Variants in PCDH11X observed in about 807,000 individuals in gnomAD.
PCDH11X encodes protocadherin 11 X-linked.
In PCDH11X, 18 loss-of-function variants were observed where a neutral mutation model predicts 53.3. The observed-to-expected ratio is 0.34, with a 90% CI of 0.23 to 0.50. PCDH11X has a LOEUF of 0.50. PCDH11X is among the 20% of genes least tolerant of loss of function. PCDH11X has a pLI of 0.98. For synonymous variants in PCDH11X, 279 were observed against 393.3 expected (o/e 0.71, Z 3.44); for missense variants, 570 against 1,032.4 (o/e 0.55, Z 6.14).
At position 92,393,878 on chromosome X, in the gene PCDH11X, A is replaced by G. The variant is rs2754905; in HGVS notation, c.3343+5945A>G. Among the ~76,000 whole-genome samples, 629 of 111,434 alleles carry G rather than the reference A, an allele frequency of 5.6e-3. 15 individuals carry two copies. Among genetic ancestry groups the G allele is most frequent in the African/African-American group, 0.02 (609 of 30,545 alleles). Reference sequence around the variant, plus strand: ...TTAGGCAGGTATAAACAGTGATCTGATAGCAGATGCTCTGTGACGTATATT... The same window carrying G: ...TTAGGCAGGTATAAACAGTGATCTGGTAGCAGATGCTCTGTGACGTATATT... On this transcript the variant is annotated intron_variant, in intron 9 of 10. Transcript: ENST00000682573.
intron 8 of PCDH11X, among the ~76,000 whole-genome samples, chrX:92,291,822 A>T (rs6618949): frequency 0.12 from 13,079 of 108,434 alleles, 1,251 homozygotes; most frequent in East Asian, 0.47. Flanking sequence ...TCAAATCATG[A>T]CTTAGTCTAC....
intron 7 of PCDH11X, among the ~76,000 whole-genome samples, chrX:92,243,291 A>C (rs181071484): frequency 1.6e-3 from 180 of 112,036 alleles, no homozygotes; most frequent in African/African-American, 5.2e-3. Context: ...GTAAAGTATG[A>C]AGTTTAAATC....
intron 8 of PCDH11X, among the ~76,000 whole-genome samples, chrX:92,295,918 A>G (rs2068598446): frequency 9.2e-6 from 1 of 108,973 alleles, no homozygotes; most frequent in Non-Finnish European, 1.9e-5. Context: ...CATCTCTACT[A>G]AAAAAACACA....
At position 91,878,043 on chromosome X, in the gene PCDH11X, C is replaced by T. The variant is rs150058415; in HGVS notation, c.1803C>T (p.Asp601=). The T allele has an allele frequency of 2.7e-5, 33 of 1,206,135 alleles. No individual in the cohort carries two copies. In the African/African-American group the frequency reaches 5.7e-4, roughly 21 times the overall value. ...CTGTAACTGATCCTGATTATGGAGA[C>T]AATTCTGCAGTTACGCTCTCCATTT... is the stretch of plus-strand genomic sequence containing the variant. ...LITVTDPDYG[D]NSAVTLSILD... Residue 601 remains aspartate, a synonymous_variant, in exon 6 of 11, where the codon GAC becomes GAT. Coordinates refer to ENST00000682573, the MANE Select transcript of PCDH11X (RefSeq NM_032968.5).
intron 6 of PCDH11X, among the ~76,000 whole-genome samples, chrX:91,941,046 ATAACT>A (rs1285783727): frequency 9.0e-6 from 1 of 111,063 alleles, no homozygotes; most frequent in Admixed American, 9.6e-5. Flanking sequence ...GCATTTTAAA[ATAACT>A]TAAGGAGTAT....
chrX:92,334,941 T>C (rs1417603023), intron 8 of PCDH11X, among the ~76,000 whole-genome samples: 1 of 109,995 alleles, frequency 9.1e-6, no homozygotes, highest in Non-Finnish European at 1.9e-5. Flanking sequence ...GTAGTTACGT[T>C]TTGGGGGAGT....
intron 6 of PCDH11X, among the ~76,000 whole-genome samples, chrX:92,044,079 T>C (rs1157048235): frequency 9.0e-6 from 1 of 111,285 alleles, no homozygotes; most frequent in Non-Finnish European, 1.9e-5. Flanking sequence ...ATGTAATTTA[T>C]TTAAATCCTT....
intron 6 of PCDH11X, among the ~76,000 whole-genome samples, chrX:92,083,366 G>A (rs1434482403): frequency 1.8e-5 from 2 of 111,440 alleles, no homozygotes; most frequent in Non-Finnish European, 1.9e-5. Context: ...CACCTTGAAT[G>A]CTGCACCTAA....
intron 10 of PCDH11X, among the ~76,000 whole-genome samples, chrX:92,599,018 A>T (rs113014197): frequency 0.02 from 2,240 of 110,824 alleles, 47 homozygotes; most frequent in African/African-American, 0.066. Context: ...AGAGTGTAGG[A>T]TATGATTACC....
At chrX:92,419,917 T>G (rs1394572790) in intron 9 of PCDH11X, among the ~76,000 whole-genome samples, 1 of 110,170 alleles carries the variant, frequency 9.1e-6, no homozygotes, top group African/African-American at 3.3e-5. Flanking sequence ...CCTGACCTCG[T>G]GATCCACCCG....
intron 6 of PCDH11X, among the ~76,000 whole-genome samples, chrX:92,195,530 C>T (rs1366472420): frequency 9.0e-6 from 1 of 111,621 alleles, no homozygotes; most frequent in Non-Finnish European, 1.9e-5. Flanking sequence ...TGACAAACCA[C>T]TTCAGAGGGA....
intron 6 of PCDH11X, among the ~76,000 whole-genome samples, chrX:91,970,975 C>G (rs748989202): frequency 9.7e-4 from 108 of 111,027 alleles, no homozygotes; most frequent in African/African-American, 3.5e-3. Context: ...CATGCAGATG[C>G]TACTTAATAT....
intron 6 of PCDH11X, among the ~76,000 whole-genome samples, chrX:92,167,376 A>G (rs1010265048): frequency 1.8e-5 from 2 of 111,824 alleles, no homozygotes; most frequent in African/African-American, 6.5e-5. Context: ...GTTTCAATTG[A>G]AAATGCCACA....
At chrX:92,094,423 AG>A (rs1457527004) in intron 6 of PCDH11X, among the ~76,000 whole-genome samples, 2 of 110,794 alleles carry the variant, frequency 1.8e-5, no homozygotes, top group East Asian at 5.6e-4. Context: ...CTTGCTTAAA[AG>A]TATTCTTATG....
At chrX:91,811,576 C>T (rs1936294112) in intron 4 of PCDH11X, among the ~76,000 whole-genome samples, 1 of 110,990 alleles carries the variant, frequency 9.0e-6, no homozygotes, top group Admixed American at 9.7e-5. Flanking sequence ...TGGATGGCCA[C>T]ACATGTTGTC....
At chrX:92,306,460 A>G (rs1224230643) in intron 8 of PCDH11X, among the ~76,000 whole-genome samples, 8 of 109,422 alleles carry the variant, frequency 7.3e-5, no homozygotes, top group African/African-American at 2.3e-4. Context: ...TTCTTTAAAA[A>G]GATCAACAAA....
chrX:92,468,927 AT>A (rs1348625110), intron 10 of PCDH11X, among the ~76,000 whole-genome samples: 1 of 105,706 alleles, frequency 9.5e-6, no homozygotes, highest in Admixed American at 1.0e-4. Flanking sequence ...AAATATATAT[AT>A]TTTTTGTGCT....
intron 9 of PCDH11X, chrX:92,460,243 G>A: frequency 1.1e-6 from 1 of 878,915 alleles, no homozygotes; most frequent in Non-Finnish European, 1.7e-6. Context: ...TGACACCAAT[G>A]TCACTTGACT....
chrX:92,393,981 T>A (rs2071189573), intron 9 of PCDH11X, among the ~76,000 whole-genome samples: 1 of 110,921 alleles, frequency 9.0e-6, no homozygotes, highest in African/African-American at 3.3e-5. Context: ...TATAAATACA[T>A]TATAATAAGA....
Sources: gnomAD v4.1 joint callset for allele counts (sites outside exome capture counted in the v4.1 genomes callset) on GRCh38, gnomAD v4.1.1 for gene constraint, MANE v1.5 for transcripts, NCBI Gene and HGNC (gene_info 2026-07-23, HGNC 2026-07-21) for gene names.